The following SCNN1A variants were observed in gnomAD, a reference collection of about 807,000 sequenced individuals.
The protein encoded by SCNN1A is epithelial sodium channel subunit alpha.
A neutral mutation model predicts 68.6 loss-of-function variants in SCNN1A; 65 were observed. That is an observed-to-expected ratio of 0.95 (90% CI 0.78 to 1.16). The LOEUF (loss-of-function observed/expected upper bound fraction) is 1.16, where lower values mean the gene tolerates loss of function less well. Ranked by LOEUF, SCNN1A falls within the 50% of genes most tolerant of loss-of-function variation. SCNN1A has a pLI of 0.00. For synonymous variants in SCNN1A, 357 were observed against 353.3 expected (o/e 1.01, Z -0.12); for missense variants, 880 against 865.9 (o/e 1.02, Z -0.20).
At chr12:6,348,365 C>T (rs556201913) in intron 12 of SCNN1A, 112 bp from the exon 13 acceptor site, 153 of 1,572,504 alleles carry the variant, frequency 9.7e-5, no homozygotes, top group Non-Finnish European at 1.2e-4. Context: ...TGAAGACCCC[C>T]GAGTCCTCTC....
rs561209672 is a variant in SCNN1A, at chr12:6,351,345, C to T, written c.1361-1940G>A. 5.9e-5 allele frequency among the ~76,000 whole-genome samples: 9 copies of T among 152,234 alleles called. No individual in the cohort carries two copies. The highest frequency in any genetic ancestry group is 2.6e-4 in the Admixed American group (4 of 15,286). On this transcript the variant is annotated intron_variant, in intron 8 of 12. Coordinates refer to ENST00000228916, the MANE Select transcript of SCNN1A (RefSeq NM_001038.6). The surrounding 1 kb of genome is among the most constrained non-coding windows in gnomAD (Gnocchi z 4.2). ...ATCTATATGAAAGATTCAGAATAGC[C>T]GGGCGCAGTGGCTCATGCCTGTAAT...
chr12:6,375,029 T>A, intron 1 of SCNN1A, 192 bp from the exon 2 acceptor site: 1 of 1,541,204 alleles, frequency 6.5e-7, no homozygotes. Context: ...CCAGCAGACC[T>A]GCGGGAGTTG....
chr12:6,365,791 A>T (rs1948665352), intron 2 of SCNN1A, among the ~76,000 whole-genome samples: 1 of 152,228 alleles, frequency 6.6e-6, no homozygotes, highest in African/African-American at 2.4e-5. Context: ...GGTAGGCAAA[A>T]TTCTCTTGTA....
At chr12:6,360,778 G>A (rs1948568112) in intron 4 of SCNN1A, among the ~76,000 whole-genome samples, 1 of 136,904 alleles carries the variant, frequency 7.3e-6, no homozygotes, top group Non-Finnish European at 1.7e-5. Context: ...GTTACAGAAG[G>A]GGACCCCCCC....
chr12:6,362,058 T>G lies in SCNN1A; in HGVS notation c.868A>C (p.Asn290His), dbSNP rs1276486117. The G allele has an allele frequency of 2.4e-5, 38 of 1,614,084 alleles. 1 individual carries two copies. The Admixed American group carries it at 6.3e-4, about 27-fold the overall frequency. Residue 290 changes from asparagine (N) to histidine (H), a missense_variant, in exon 4 of 13, where the codon AAC (asparagine) becomes CAC (histidine). Physicochemically the swap from Asn to His is moderately conservative, Grantham distance 68. Coordinates refer to ENST00000228916, the MANE Select transcript of SCNN1A (RefSeq NM_001038.6). ...FACRFNQVSC[N>H]QANYSHFHHP... is the part of the protein sequence containing the mutation. ...CAGGCAGGACTGACTCACGCCTGGT[T>G]GCAGGAGACCTGGTTGAAGCGGCAG...
In SCNN1A at chr12:6,363,138, C is replaced by CAAT. The variant is rs111848554; in HGVS notation, c.684+302_684+304dup. Among the ~76,000 whole-genome samples the CAAT allele has an allele frequency of 1.7e-3, 246 of 146,778 alleles. 1 individual carries two copies. Among genetic ancestry groups the CAAT allele is most frequent in the East Asian group, 9.5e-3 (45 of 4,724 alleles). ...GAATCAAGGACCAGAAACAGTAAAA[C>CAAT]AATAATAATAATAATAATAATAAAA... On this transcript the variant is annotated intron_variant, in intron 3 of 12. Coordinates refer to ENST00000228916, the MANE Select transcript of SCNN1A (RefSeq NM_001038.6).
At position 6,355,346 on chromosome 12, in the gene SCNN1A, C is replaced by G; in HGVS notation, c.1069G>C (p.Asp357His). ...CCATCATCCATAAAGGCAGGTTCAT[C>G]CTGCCCGTGCACCATTACCCGGGCC... ...TGARVMVHGQDEPAFMDDGGF... is the reference protein window; with the variant it reads ...TGARVMVHGQHEPAFMDDGGF... The change falls in exon 6 of 13, where the codon GAT becomes CAT. Residue 357 changes from aspartate (D) to histidine (H), a missense_variant. Physicochemically the swap from Asp to His is moderately conservative, Grantham distance 81. Transcript: ENST00000228916. The G allele has an allele frequency of 1.9e-6, 3 of 1,613,928 alleles. No individual in the cohort carries two copies. The highest frequency in any genetic ancestry group is 2.5e-6 in the Non-Finnish European group (3 of 1,179,944).
chr12:6,354,327 C>T, intron 8 of SCNN1A, 111 bp downstream of exon 8: 1 of 763,746 alleles, frequency 1.3e-6, no homozygotes. Flanking sequence ...AGGATTCATC[C>T]CAGCAGGTGG....
At chr12:6,376,372 G>A (rs914816019), upstream of SCNN1A, among the ~76,000 whole-genome samples, 2 of 152,188 alleles carry the variant, frequency 1.3e-5, no homozygotes, top group Admixed American at 1.3e-4. Flanking sequence ...ATGTGTAATC[G>A]CCCCTGCTGT....
rs1418624029 is a variant in SCNN1A at position 6,347,919 on chromosome 12, C to A, written c.1964G>T (p.Gly655Val). The A allele has an allele frequency of 6.3e-7, 1 of 1,593,870 alleles. No homozygotes were observed. The highest frequency in any genetic ancestry group is 1.1e-5 in the South Asian group (1 of 88,596). Residue 655 changes from glycine (G) to valine (V), a missense_variant, in exon 13 of 13, where the codon GGC (glycine) becomes GTC (valine). Gly to Val is a moderately radical substitution (Grantham distance 109). Transcript: ENST00000228916. ...GGTGGAGGAACTGGCCCCTGCAGAGCCCCCTGGAGATGGGCGGGGGCCCAG... is the reference window on the plus strand; with the variant it reads ...GGTGGAGGAACTGGCCCCTGCAGAGACCCCTGGAGATGGGCGGGGGCCCAG... Reference protein sequence around the residue: ...ATLGPRPSPGGSAGASSSTCP... With the variant: ...ATLGPRPSPGVSAGASSSTCP...
In SCNN1A at chr12:6,349,548, C is replaced by T. The variant is rs1948335386; in HGVS notation, c.1361-143G>A. Reference sequence around the variant, plus strand: ...TAATGATGCCTTATGAGTGGCAGTACCAAGAAGCGTTTAAGAAATTAAGCT... The same window carrying T: ...TAATGATGCCTTATGAGTGGCAGTATCAAGAAGCGTTTAAGAAATTAAGCT... On this transcript the variant is annotated intron_variant, in intron 8 of 12. Coordinates refer to ENST00000228916, the MANE Select transcript of SCNN1A (RefSeq NM_001038.6). 76 of 703,798 alleles carry T rather than the reference C, an allele frequency of 1.1e-4. No homozygotes were observed. In the South Asian group the frequency reaches 1.1e-3, roughly 10 times the overall value. 43.6% of individuals were successfully genotyped at this position (703,798 alleles called of 1,614,324 possible). A position where few individuals can be genotyped will look rare whatever the true frequency, so the allele number is the denominator to read the frequency against.
chr12:6,373,743 G>C (rs564279822), intron 2 of SCNN1A, among the ~76,000 whole-genome samples: 1 of 152,262 alleles, frequency 6.6e-6, no homozygotes, highest in South Asian at 2.1e-4. Flanking sequence ...TGGGTCTTTT[G>C]GGGGAAGAGC....
At chr12:6,354,373 A>C in intron 8 of SCNN1A, 65 bp downstream of exon 8, 1 of 1,022,636 alleles carries the variant, frequency 9.8e-7, no homozygotes, top group Non-Finnish European at 1.6e-6. Flanking sequence ...GGGGACTGAG[A>C]GGAAAAAGTG....
chr12:6,356,171 T>TCTG, intron 4 of SCNN1A: 1 of 474,744 alleles, frequency 2.1e-6, no homozygotes, highest in South Asian at 2.1e-5. Context: ...CACATCTACC[T>TCTG]TCTAGTCCAG....
At chr12:6,366,228 G>A (rs1948677612) in intron 2 of SCNN1A, among the ~76,000 whole-genome samples, 1 of 152,066 alleles carries the variant, frequency 6.6e-6, no homozygotes, top group African/African-American at 2.4e-5. Context: ...CGATCATTTT[G>A]GAAAACAATC....
chr12:6,362,212 G>A lies in SCNN1A; in HGVS notation c.714C>T (p.Tyr238=), dbSNP rs1948592092. The stretch of plus-strand genomic sequence containing the variant: ...CATCCACCCCTGATGAGTATGTCTG[G>A]TAGAAGCAGTCCGATTTGTTCTGGT... ...LCNQNKSDCF[Y]QTYSSGVDAV... Residue 238 remains tyrosine, a synonymous_variant, in exon 4 of 13, where the codon TAC becomes TAT. Coordinates refer to ENST00000228916, the MANE Select transcript of SCNN1A (RefSeq NM_001038.6). 4 of 1,614,088 alleles carry A rather than the reference G, an allele frequency of 2.5e-6. No homozygotes were observed. In the African/African-American group the frequency reaches 4.0e-5, roughly 16 times the overall value.
chr12:6,350,325 G>C (rs569373169), intron 8 of SCNN1A, among the ~76,000 whole-genome samples: 2 of 151,490 alleles, frequency 1.3e-5, no homozygotes, highest in African/African-American at 4.8e-5. Flanking sequence ...CCAGCTACTC[G>C]GGAGGCTGAG....
chr12:6,350,300 C>T (rs1321124469), intron 8 of SCNN1A, among the ~76,000 whole-genome samples: 29 of 151,156 alleles, frequency 1.9e-4, no homozygotes, highest in African/African-American at 5.3e-4. Context: ...GGCGTGGTGG[C>T]GGGCGCCTGT....
chr12:6,364,583 G>A (rs373473353), intron 2 of SCNN1A, among the ~76,000 whole-genome samples: 16 of 151,684 alleles, frequency 1.1e-4, no homozygotes, highest in African/African-American at 3.9e-4. Context: ...GTGAAACCCC[G>A]TCTTTACTAA....
Sources: gnomAD v4.1 joint callset for allele counts (sites outside exome capture counted in the v4.1 genomes callset) on GRCh38, gnomAD v4.1.1 for gene constraint, Gnocchi (gnomAD v3.1) non-coding constraint, MANE v1.5 for transcripts, NCBI Gene and HGNC (gene_info 2026-07-23, HGNC 2026-07-21) for gene names.